Variants in STAB2 observed in about 807,000 individuals in gnomAD.
The protein encoded by STAB2 is stabilin 2, also known as stabilin-2.
In STAB2, 288 loss-of-function variants were observed where a neutral mutation model predicts 338.1. The ratio of observed to expected loss-of-function variants is 0.85; its 90% confidence interval spans 0.77 to 0.94. STAB2 has a LOEUF of 0.94. Among genes scored for constraint, STAB2 ranks in the 40% least tolerant of loss-of-function variants. STAB2 has a pLI of 0.00. For synonymous variants in STAB2, 1,202 were observed against 1,193.3 expected, an observed-to-expected ratio of 1.01 and a Z score of -0.15; for missense variants, 3,141 against 3,210.1, an observed-to-expected ratio of 0.98 and a Z score of 0.52.
intron 19 of STAB2, 141 bp from the exon 20 acceptor site, chr12:103,668,502 G>T (rs755488718): frequency 8.4e-6 from 6 of 715,080 alleles, no homozygotes; most frequent in South Asian, 1.7e-5. Flanking sequence ...GTAGACCCAG[G>T]TCTGCTAGTG....
rs554396516 is a variant in STAB2 at position 103,766,551 on chromosome 12, C to T, written c.*215C>T. 3.6e-6 allele frequency: 2 copies of T among 555,174 alleles called. No homozygotes were observed. The highest frequency in any genetic ancestry group is 4.9e-4 in the Middle Eastern group (1 of 2,038). 34.4% of individuals were successfully genotyped at this position (555,174 alleles called of 1,614,324 possible). A position where few individuals can be genotyped will look rare whatever the true frequency, so the allele number is the denominator to read the frequency against. ...TTCCTCCTCTGACCCTTTGGCTCTT[C>T]TTCCTTTGTACTCTTCAGCTGGCAC... is the stretch of plus-strand genomic sequence containing the variant. On this transcript the variant is annotated 3_prime_UTR_variant, in exon 69 of 69. Transcript: ENST00000388887.
chr12:103,766,527 T>G lies in STAB2; in HGVS notation c.*191T>G. 1 of 609,982 alleles carries G rather than the reference T, an allele frequency of 1.6e-6. No homozygotes were observed. The highest frequency in any genetic ancestry group is 2.8e-6 in the Non-Finnish European group (1 of 352,632). The allele number at this position is 609,982 out of a possible 1,614,324, so 37.8% of individuals were successfully genotyped here. A position where few individuals can be genotyped will look rare whatever the true frequency, so the allele number is the denominator to read the frequency against. On this transcript the variant is annotated 3_prime_UTR_variant, in exon 69 of 69. Transcript: ENST00000388887. ...GTTGCTGTGCCCACCCAGTACAGCTTCCTCCTCTGACCCTTTGGCTCTTCT... is the reference window on the plus strand; with the variant it reads ...GTTGCTGTGCCCACCCAGTACAGCTGCCTCCTCTGACCCTTTGGCTCTTCT...
chr12:103,701,082 CTATGAGTGAAAA>C (rs1051170524), intron 34 of STAB2, among the ~76,000 whole-genome samples: 2 of 150,686 alleles, frequency 1.3e-5, no homozygotes, highest in Non-Finnish European at 1.5e-5. Context: ...CAATTCCCAC[CTATGAGTGAAAA>C]TATGCGGTGT....
intron 31 of STAB2, among the ~76,000 whole-genome samples, chr12:103,694,886 GAGTAAGGAGTATGTCCCA>G (rs1165860839): frequency 6.6e-6 from 1 of 152,048 alleles, no homozygotes; most frequent in Non-Finnish European, 1.5e-5. Context: ...ATAACAAAAT[GAGTAAGGAGTATGTCCCA>G]AGTAGAAGAC....
chr12:103,683,226 G>C lies in STAB2; in HGVS notation c.2827G>C (p.Gly943Arg). ...ATAGAATGAGTGTGAGTGCAAGAAAGGATTTCGAGGAAATGGGATTGACTG... is the reference window on the plus strand; with the variant it reads ...ATAGAATGAGTGTGAGTGCAAGAAACGATTTCGAGGAAATGGGATTGACTG... ...PGQNECECKK[G>R]FRGNGIDCEP... Residue 943 changes from glycine (G) to arginine (R), a missense_variant, in exon 26 of 69, where the codon GGA (glycine) becomes CGA (arginine). Gly to Arg is a moderately radical substitution (Grantham distance 125). Transcript: ENST00000388887. 1.9e-6 allele frequency: 3 copies of C among 1,612,730 alleles called. No individual in the cohort carries two copies. The highest frequency in any genetic ancestry group is 2.5e-6 in the Non-Finnish European group (3 of 1,179,536).
Position 103,748,946 on chromosome 12 carries a change from C to A in STAB2, c.6245-17C>A, listed in dbSNP as rs1367693174. 3 of 1,607,132 alleles carry A rather than the reference C, an allele frequency of 1.9e-6. No individual in the cohort carries two copies. In the East Asian group the frequency reaches 6.7e-5, roughly 36 times the overall value. On this transcript the variant is annotated splice_polypyrimidine_tract_variant and intron_variant, in intron 58 of 68. Transcript: ENST00000388887. The stretch of plus-strand genomic sequence containing the variant: ...CAGAAGGTGGTAAGTTGAGCCCTCT[C>A]TCCTCTGCTCTTGCAGTTGTGGATT...
At chr12:103,641,268 A>C (rs1336550500) in intron 9 of STAB2, among the ~76,000 whole-genome samples, 2 of 152,234 alleles carry the variant, frequency 1.3e-5, no homozygotes, top group African/African-American at 4.8e-5. Context: ...ACAAATAAAT[A>C]GATCTGTACT....
intron 33 of STAB2, among the ~76,000 whole-genome samples, chr12:103,697,699 A>C (rs1166712816): frequency 1.3e-5 from 2 of 152,248 alleles, no homozygotes; most frequent in African/African-American, 2.4e-5. Context: ...ATAAACTGAG[A>C]ATTTGATAGA....
intron 3 of STAB2, among the ~76,000 whole-genome samples, chr12:103,614,686 G>A (rs1275523210): frequency 2.6e-5 from 4 of 152,162 alleles, no homozygotes; most frequent in Non-Finnish European, 5.9e-5. Flanking sequence ...CAGAAACATT[G>A]CCTAGTGTCC....
intron 3 of STAB2, among the ~76,000 whole-genome samples, chr12:103,614,855 G>A (rs1304600845): frequency 2.6e-5 from 4 of 152,214 alleles, no homozygotes; most frequent in African/African-American, 9.6e-5. Context: ...ATATTAATGT[G>A]TAGTGGAATT....
At chr12:103,763,758 C>G (rs934422683) in intron 68 of STAB2, 150 bp downstream of exon 68, 7 of 704,336 alleles carry the variant, frequency 9.9e-6, no homozygotes, top group Non-Finnish European at 1.7e-5. Context: ...GTTTTGCAAG[C>G]TGACTGAAGC....
At chr12:103,751,082 A>G (rs1883606465) in intron 60 of STAB2, among the ~76,000 whole-genome samples, 1 of 152,214 alleles carries the variant, frequency 6.6e-6, no homozygotes, top group South Asian at 2.1e-4. Flanking sequence ...GGACCCACAA[A>G]CATAGTTCCT....
At chr12:103,628,314 A>G (rs567377479) in intron 5 of STAB2, among the ~76,000 whole-genome samples, 2 of 152,324 alleles carry the variant, frequency 1.3e-5, no homozygotes, top group East Asian at 3.9e-4. Flanking sequence ...ATGCATGACA[A>G]CACACTTGGC....
intron 58 of STAB2, among the ~76,000 whole-genome samples, chr12:103,748,127 C>T (rs143513102): frequency 5.6e-4 from 85 of 152,134 alleles, no homozygotes; most frequent in African/African-American, 2.0e-3. Context: ...TATATACTTT[C>T]TTTACACAAA....
chr12:103,667,011 T>C (rs1875171497), intron 19 of STAB2, among the ~76,000 whole-genome samples: 1 of 152,170 alleles, frequency 6.6e-6, no homozygotes, highest in Admixed American at 6.5e-5. Context: ...AAGGACTCTA[T>C]TGGTGGTAAA....
chr12:103,739,412 G>C lies in STAB2; in HGVS notation c.5698G>C (p.Gly1900Arg). Residue 1900 changes from glycine (G) to arginine (R), a missense_variant and splice_region_variant, in exon 54 of 69, where the codon GGG becomes CGG. By Grantham distance (125) the Gly-to-Arg change is moderately radical. Transcript: ENST00000388887. Reference sequence around the variant, plus strand: ...AAGTGTTTCTTTTCTTGCATACTAGGGGGAGTGTGGGAGCTGTGTCAATAC... The same window carrying C: ...AAGTGTTTCTTTTCTTGCATACTAGCGGGAGTGTGGGAGCTGTGTCAATAC... ...CDTFTTFDAS[G>R]ECGSCVNTPS... 1 of 1,586,828 alleles carries C rather than the reference G, an allele frequency of 6.3e-7. No homozygotes were observed. The highest frequency in any genetic ancestry group is 1.4e-5 in the African/African-American group (1 of 73,750).
At chr12:103,760,203 G>A (rs971476304) in intron 65 of STAB2, among the ~76,000 whole-genome samples, 1 of 152,162 alleles carries the variant, frequency 6.6e-6, no homozygotes, top group Non-Finnish European at 1.5e-5. Context: ...TGCAACTGCC[G>A]TTTCTCAAGT....
At position 103,676,018 on chromosome 12, in the gene STAB2, C is replaced by T. The variant is rs1278588502; in HGVS notation, c.2643C>T (p.Arg881=). ...CTGLTPGGCS[R]NAECIKTGTG... is the part of the protein sequence containing the mutation. ...GACTAACTCCAGGAGGCTGTAGCCG[C>T]AATGTGAGTACTGGTCTTCATTTCC... Residue 881 remains arginine, a synonymous_variant, in exon 24 of 69, where the codon CGC becomes CGT. Coordinates refer to ENST00000388887, the MANE Select transcript of STAB2 (RefSeq NM_017564.10). 6.3e-6 allele frequency: 10 copies of T among 1,594,952 alleles called. No individual in the cohort carries two copies. The African/African-American group carries it at 1.4e-4, about 22-fold the overall frequency.
At position 103,644,393 on chromosome 12, in the gene STAB2, G is replaced by T. The variant is rs865993824; in HGVS notation, c.1040+4137G>T. Among the ~76,000 whole-genome samples, 128 of 149,958 alleles carry T rather than the reference G, an allele frequency of 8.5e-4. No homozygotes were observed. The Middle Eastern group carries it at 0.017, about 20-fold the overall frequency. On this transcript the variant is annotated intron_variant, in intron 9 of 68. Transcript: ENST00000388887. ...TCAAGTACCCAGGGACACAAACACT[G>T]CGGAAGGCCGCAGGGTCCTCTGCAT...
Sources: allele counts gnomAD v4.1 joint callset (sites outside exome capture counted in the v4.1 genomes callset), GRCh38; gene constraint gnomAD v4.1.1; transcripts MANE v1.5; gene names NCBI Gene and HGNC (gene_info 2026-07-23, HGNC 2026-07-21).